Variants in UBE2H observed in about 807,000 individuals in gnomAD.
The protein encoded by UBE2H is ubiquitin conjugating enzyme E2 H.
A neutral mutation model predicts 29.0 loss-of-function variants in UBE2H; 3 were observed. The observed-to-expected ratio is 0.10, with a 90% CI of 0.05 to 0.27. The LOEUF (loss-of-function observed/expected upper bound fraction) is 0.27. Ranked by LOEUF, UBE2H falls within the 10% of genes least tolerant of loss-of-function variation. UBE2H has a pLI of 1.00. For synonymous variants in UBE2H, 69 were observed against 82.9 expected, an observed-to-expected ratio of 0.83 and a Z score of 0.91; for missense variants, 68 against 228.2, an observed-to-expected ratio of 0.30 and a Z score of 4.52.
chr7:129,891,810 C>CAAAAAAAAAAAA (rs60595166), intron 1 of UBE2H, among the ~76,000 whole-genome samples: 1 of 145,530 alleles, frequency 6.9e-6, no homozygotes, highest in African/African-American at 2.6e-5. Context: ...AAAACAAAAA[C>CAAAAAAAAAAAA]AAAAAAAAAA....
chr7:129,924,275 A>G (rs1401908063), intron 1 of UBE2H, among the ~76,000 whole-genome samples: 1 of 152,230 alleles, frequency 6.6e-6, no homozygotes, highest in Non-Finnish European at 1.5e-5. Flanking sequence ...ATTTCTAGAA[A>G]TGAAAGGATA....
intron 5 of UBE2H, among the ~76,000 whole-genome samples, chr7:129,855,939 A>C (rs1805697777): frequency 6.6e-6 from 1 of 152,086 alleles, no homozygotes; most frequent in South Asian, 2.1e-4. Context: ...ATATATATAC[A>C]ACTGGGTGCT....
intron 4 of UBE2H, among the ~76,000 whole-genome samples, chr7:129,857,772 G>C (rs965117141): frequency 6.6e-6 from 1 of 152,198 alleles, no homozygotes; most frequent in Admixed American, 6.5e-5. Context: ...TAGTAACTAT[G>C]CAATGGAGAA....
At chr7:129,864,556 C>CTCTT (rs1805863079) in intron 3 of UBE2H, among the ~76,000 whole-genome samples, 2 of 130,964 alleles carry the variant, frequency 1.5e-5, no homozygotes, top group Middle Eastern at 4.2e-3. Flanking sequence ...TCTTTTCTTT[C>CTCTT]TTTTTTTTTT....
At chr7:129,850,342 G>A (rs185129225) in intron 5 of UBE2H, among the ~76,000 whole-genome samples, 128 of 151,292 alleles carry the variant, frequency 8.5e-4, no homozygotes, top group Middle Eastern at 7.0e-3. Flanking sequence ...TGGGTGACAG[G>A]GCAAGACCTT....
At chr7:129,910,300 G>A (rs192240140) in intron 1 of UBE2H, among the ~76,000 whole-genome samples, 2 of 151,568 alleles carry the variant, frequency 1.3e-5, no homozygotes, top group African/African-American at 4.9e-5. Flanking sequence ...CTGCACTCCA[G>A]CCTGGACAAC....
At chr7:129,878,372 C>T (rs1254710626) in intron 3 of UBE2H, among the ~76,000 whole-genome samples, 2 of 151,946 alleles carry the variant, frequency 1.3e-5, no homozygotes, top group South Asian at 4.1e-4. Context: ...TCCAGGATAT[C>T]GGGCATTACT....
intron 1 of UBE2H, among the ~76,000 whole-genome samples, chr7:129,908,717 A>C (rs1022166751): frequency 2.0e-5 from 3 of 152,236 alleles, no homozygotes; most frequent in African/African-American, 7.2e-5. Context: ...TAATTGTTTA[A>C]ACACAAATGA....
chr7:129,848,223 A>G (rs888819756), intron 5 of UBE2H, among the ~76,000 whole-genome samples: 1 of 152,136 alleles, frequency 6.6e-6, no homozygotes, highest in Non-Finnish European at 1.5e-5. Flanking sequence ...ACTCTGTCTC[A>G]AACAAAAACA....
intron 3 of UBE2H, among the ~76,000 whole-genome samples, chr7:129,859,562 C>CTT (rs1260398355): frequency 6.6e-6 from 1 of 152,144 alleles, no homozygotes; most frequent in African/African-American, 2.4e-5. Flanking sequence ...AAAAAATACT[C>CTT]TAAGTTGGCT....
At chr7:129,835,571 C>T (rs992208763) in intron 6 of UBE2H, among the ~76,000 whole-genome samples, 3 of 152,158 alleles carry the variant, frequency 2.0e-5, no homozygotes, top group African/African-American at 4.8e-5. Flanking sequence ...CAAAAACCAT[C>T]GCTCAATCTG....
At chr7:129,927,714 C>T (rs1389833292) in intron 1 of UBE2H, among the ~76,000 whole-genome samples, 5 of 152,170 alleles carry the variant, frequency 3.3e-5, no homozygotes, top group Admixed American at 6.6e-5. Context: ...AAAGCAGGCA[C>T]GCAAAGACAT....
intron 1 of UBE2H, among the ~76,000 whole-genome samples, chr7:129,935,156 G>A (rs563564807): frequency 7.9e-5 from 12 of 151,728 alleles, no homozygotes; most frequent in African/African-American, 2.7e-4. Flanking sequence ...TGGGCATGGT[G>A]GCTCACATCT....
intron 5 of UBE2H, among the ~76,000 whole-genome samples, chr7:129,847,485 G>A (rs1267275672): frequency 6.6e-6 from 1 of 152,068 alleles, no homozygotes; most frequent in East Asian, 1.9e-4. Context: ...CTACACTCCA[G>A]CCTGGATGAC....
At chr7:129,913,476 G>A (rs1584782567) in intron 1 of UBE2H, among the ~76,000 whole-genome samples, 1 of 152,090 alleles carries the variant, frequency 6.6e-6, no homozygotes, top group East Asian at 1.9e-4. Context: ...GAGCCACACA[G>A]CAGAGAAGTT....
At chr7:129,897,433 T>A (rs1364729414) in intron 1 of UBE2H, among the ~76,000 whole-genome samples, 1 of 152,224 alleles carries the variant, frequency 6.6e-6, no homozygotes, top group Non-Finnish European at 1.5e-5. Flanking sequence ...TCAAGTTCAT[T>A]AGGCATAGCA....
rs958561186 is a variant in UBE2H, at chr7:129,937,614, C to T, written c.53+14889G>A. Among the ~76,000 whole-genome samples, 4 of 152,272 alleles carry T rather than the reference C, an allele frequency of 2.6e-5. No individual in the cohort carries two copies. In the South Asian group the frequency reaches 8.3e-4, roughly 32 times the overall value. On this transcript the variant is annotated intron_variant, in intron 1 of 6. Transcript: ENST00000355621. ...ATGACAAACAACACAGGTATACTCA[C>T]ATATATGGCATTTGATAATCAGAGA... is the stretch of plus-strand genomic sequence containing the variant.
intron 1 of UBE2H, among the ~76,000 whole-genome samples, chr7:129,885,143 A>G (rs1221593607): frequency 6.6e-6 from 1 of 152,122 alleles, no homozygotes; most frequent in African/African-American, 2.4e-5. Context: ...TTCCAACCAG[A>G]GCTCCACTAA....
intron 1 of UBE2H, among the ~76,000 whole-genome samples, chr7:129,919,449 C>T (rs1414327397): frequency 6.6e-6 from 1 of 151,890 alleles, no homozygotes; most frequent in African/African-American, 2.4e-5. Flanking sequence ...CTCTCCTCTG[C>T]TTATTCCTTG....
Sources: gnomAD v4.1 joint callset for allele counts (sites outside exome capture counted in the v4.1 genomes callset) on GRCh38, gnomAD v4.1.1 for gene constraint, MANE v1.5 for transcripts, NCBI Gene and HGNC (gene_info 2026-07-23, HGNC 2026-07-21) for gene names.